Variants in ARMC9 observed in about 807,000 individuals in gnomAD.
The protein encoded by ARMC9 is lisH domain-containing protein ARMC9.
ARMC9 carries 94 observed loss-of-function variants against 107.0 expected under a neutral mutation model. That is an observed-to-expected ratio of 0.88 (90% CI 0.74 to 1.04). ARMC9 has a LOEUF of 1.04. Ranked by LOEUF, ARMC9 falls within the 50% of genes least tolerant of loss-of-function variation. The pLI, the probability that ARMC9 is intolerant of heterozygous loss-of-function variation, is 0.00. For missense variants in ARMC9, 942 were observed against 1,030.1 expected (o/e 0.91, Z 1.17); for synonymous variants, 380 against 396.9 (o/e 0.96, Z 0.51).
chr2:231,268,097 AAGAGAATATATAATAT>A (rs2039009372), intron 12 of ARMC9, among the ~76,000 whole-genome samples: 1 of 152,192 alleles, frequency 6.6e-6, no homozygotes, highest in Admixed American at 6.5e-5. Flanking sequence ...AGTCAAACAT[AAGAGAATATATAATAT>A]ATGGTTTCAT....
intron 10 of ARMC9, 74 bp from the exon 11 acceptor site, chr2:231,258,917 C>T: frequency 1.5e-6 from 2 of 1,329,868 alleles, no homozygotes; most frequent in East Asian, 2.3e-5. Flanking sequence ...GCTTGGGTGT[C>T]ATAATGCTCA....
chr2:231,221,872 A>AT (rs2034171950), intron 5 of ARMC9, among the ~76,000 whole-genome samples: 1 of 94,290 alleles, frequency 1.1e-5, no homozygotes, highest in East Asian at 3.4e-4. Context: ...ATCTGGCAGT[A>AT]TTTTTTCTAG....
intron 9 of ARMC9, among the ~76,000 whole-genome samples, chr2:231,254,228 CCTT>C (rs2037553309): frequency 6.6e-6 from 1 of 152,084 alleles, no homozygotes; most frequent in Non-Finnish European, 1.5e-5. Context: ...GTAGGGTAGA[CCTT>C]CTTAAGCAAG....
intron 20 of ARMC9, among the ~76,000 whole-genome samples, chr2:231,333,387 TG>T (rs1458966340): frequency 6.6e-6 from 1 of 152,156 alleles, no homozygotes; most frequent in Non-Finnish European, 1.5e-5. Flanking sequence ...TGATGGAGGC[TG>T]GGGGGCGGGG....
intron 11 of ARMC9, among the ~76,000 whole-genome samples, chr2:231,261,128 C>T (rs562522239): frequency 2.0e-5 from 3 of 152,308 alleles, no homozygotes; most frequent in African/African-American, 7.2e-5. Flanking sequence ...GCACATCTAG[C>T]TTCTCTTTGG....
chr2:231,340,865 G>A (rs764219439), intron 20 of ARMC9, among the ~76,000 whole-genome samples: 2 of 152,076 alleles, frequency 1.3e-5, no homozygotes, highest in African/African-American at 2.4e-5. Flanking sequence ...TGCCGCCTGG[G>A]CAACAGAGCA....
rs2046034767 is a variant in ARMC9 at position 231,371,913 on chromosome 2, T to C, written c.*378T>C. ...CCTCCAGGCCCCAACAGGGCGACAG[T>C]GTAGGGCCAGCCTGGAGCAGGGCTT... is the stretch of plus-strand genomic sequence containing the variant. On this transcript the variant is annotated 3_prime_UTR_variant, in exon 25 of 25. Coordinates refer to ENST00000611582, the MANE Select transcript of ARMC9 (RefSeq NM_001352754.2). The C allele has an allele frequency of 9.1e-6, 2 of 219,690 alleles. No individual in the cohort carries two copies. Among genetic ancestry groups the C allele is most frequent in the Admixed American group, 5.8e-5 (1 of 17,226 alleles). 13.6% of individuals were successfully genotyped at this position (219,690 alleles called of 1,614,324 possible).
At chr2:231,223,797 C>G (rs1559311509) in intron 6 of ARMC9, among the ~76,000 whole-genome samples, 1 of 152,194 alleles carries the variant, frequency 6.6e-6, no homozygotes, top group Admixed American at 6.5e-5. Context: ...CTACAGCTCT[C>G]GTCTCTGCCT....
At chr2:231,252,870 GC>G (rs2037430918) in intron 9 of ARMC9, among the ~76,000 whole-genome samples, 1 of 150,886 alleles carries the variant, frequency 6.6e-6, no homozygotes, top group Non-Finnish European at 1.5e-5. Context: ...AAACTCCTGG[GC>G]TCAAGTGATC....
chr2:231,268,112 A>G (rs910551488), intron 12 of ARMC9, among the ~76,000 whole-genome samples: 1 of 152,220 alleles, frequency 6.6e-6, no homozygotes, highest in African/African-American at 2.4e-5. Flanking sequence ...AATATATAAT[A>G]TATGGTTTCA....
Position 231,331,896 on chromosome 2 carries a change from G to T in ARMC9, c.1877G>T (p.Gly626Val). The T allele has an allele frequency of 6.2e-7, 1 of 1,610,168 alleles. No individual in the cohort carries two copies. Among genetic ancestry groups the T allele is most frequent in the Non-Finnish European group, 8.5e-7 (1 of 1,176,830 alleles). Residue 626 changes from glycine to valine, a missense_variant and splice_region_variant, in exon 20 of 25, where the codon GGG (glycine) becomes GTG (valine). Gly to Val is a moderately radical substitution (Grantham distance 109). Transcript: ENST00000611582. ...GEKLLTTEYL[G>V]IMTNTGKTRR... is the part of the protein sequence containing the mutation. Reference sequence around the variant, plus strand: ...AAGCTTCTGACCACGGAGTACCTGGGGGTAAGTGCCACACAAAGGGTGGGG... The same window carrying T: ...AAGCTTCTGACCACGGAGTACCTGGTGGTAAGTGCCACACAAAGGGTGGGG...
At chr2:231,265,930 TG>T (rs1476355119) in intron 12 of ARMC9, among the ~76,000 whole-genome samples, 1 of 149,320 alleles carries the variant, frequency 6.7e-6, no homozygotes, top group Non-Finnish European at 1.5e-5. Flanking sequence ...CCCGGGAGAC[TG>T]GGGTTGCAGT....
intron 5 of ARMC9, among the ~76,000 whole-genome samples, chr2:231,221,757 G>A (rs1471775422): frequency 6.6e-6 from 1 of 151,338 alleles, no homozygotes; most frequent in Non-Finnish European, 1.5e-5. Context: ...CTTGAACCTG[G>A]GAGGCGGTGG....
At chr2:231,218,323 A>T (rs2033750134) in intron 5 of ARMC9, among the ~76,000 whole-genome samples, 1 of 152,226 alleles carries the variant, frequency 6.6e-6, no homozygotes, top group East Asian at 1.9e-4. Context: ...GGAAGGGTTC[A>T]GATGTCTTCG....
chr2:231,283,161 A>G (rs2040341043), intron 17 of ARMC9, among the ~76,000 whole-genome samples: 1 of 152,146 alleles, frequency 6.6e-6, no homozygotes, highest in Non-Finnish European at 1.5e-5. Flanking sequence ...CAGAGCAGGG[A>G]GAAAAAAGAC....
Position 231,302,986 on chromosome 2 carries a change from G to A in ARMC9, c.1773+6733G>A, listed in dbSNP as rs1357924384. Among the ~76,000 whole-genome samples, 7 of 152,216 alleles carry A rather than the reference G, an allele frequency of 4.6e-5. 1 individual carries two copies. The South Asian group carries it at 8.3e-4, about 18-fold the overall frequency. ...ACCACTGCACTCCAGCCTGGGTGAC[G>A]GAGCGAGACTCCGTCTCAAAAAAAT... On this transcript the variant is annotated intron_variant, in intron 19 of 24. Transcript: ENST00000611582.
intron 5 of ARMC9, 111 bp from the exon 6 acceptor site, chr2:231,222,617 G>A (rs1042379481): frequency 1.1e-5 from 6 of 551,970 alleles, no homozygotes; most frequent in African/African-American, 2.0e-5. Context: ...TGGCATTTTG[G>A]TTTTGGTTTC....
intron 12 of ARMC9, among the ~76,000 whole-genome samples, chr2:231,263,804 A>G (rs1431949692): frequency 6.6e-6 from 1 of 151,990 alleles, no homozygotes; most frequent in Non-Finnish European, 1.5e-5. Context: ...TCCTGTTTGG[A>G]TTTATAATGG....
intron 19 of ARMC9, among the ~76,000 whole-genome samples, chr2:231,322,512 C>T (rs973999554): frequency 6.6e-6 from 1 of 152,190 alleles, no homozygotes; most frequent in African/African-American, 2.4e-5. Flanking sequence ...CTGTAAGAAT[C>T]TGAGTTTTCA....
Sources: allele counts gnomAD v4.1 joint callset (sites outside exome capture counted in the v4.1 genomes callset), GRCh38; gene constraint gnomAD v4.1.1; transcripts MANE v1.5; gene names NCBI Gene and HGNC (gene_info 2026-07-23, HGNC 2026-07-21).